The following FBXO41 variants were observed in gnomAD, a reference collection of about 807,000 sequenced individuals.
FBXO41 encodes the protein F-box only protein 41.
In FBXO41, 33 loss-of-function variants were observed where a neutral mutation model predicts 81.6. The observed-to-expected ratio is 0.40, with a 90% CI of 0.31 to 0.54. The LOEUF is 0.54. Among genes scored for constraint, FBXO41 ranks in the 20% least tolerant of loss-of-function variants. The pLI, the probability that FBXO41 is intolerant of heterozygous loss-of-function variation, is 0.39. For missense variants in FBXO41, 1,107 were observed against 1,236.0 expected (o/e 0.90, Z 1.56); for synonymous variants, 576 against 552.7 (o/e 1.04, Z -0.59).
Position 73,265,546 on chromosome 2 carries a change from C to T in FBXO41, c.1300G>A (p.Asp434Asn). ...GTGCCCAAGCCCCCAGGGCCACTGT[C>T]CTCAGGGGCCCCCTCCTCTGGCCTG... ...LPRPEEGAPE[D>N]SGPGGLGTRA... Residue 434 changes from aspartate (D) to asparagine (N), a missense_variant, in exon 5 of 13, where the codon GAC becomes AAC. Transcript: ENST00000520530. 6.3e-7 allele frequency: 1 copy of T among 1,586,144 alleles called. No individual in the cohort carries two copies. Among genetic ancestry groups the T allele is most frequent in the African/African-American group, 1.3e-5 (1 of 74,272 alleles).
At chr2:73,262,233 TAA>T (rs34189596) in intron 9 of FBXO41, among the ~76,000 whole-genome samples, 23 of 143,018 alleles carry the variant, frequency 1.6e-4, no homozygotes, top group African/African-American at 2.5e-4. Context: ...AAAAACTAAA[TAA>T]AAAAAAAAAA....
rs760529928 is a variant in FBXO41, at chr2:73,269,466, CGCGGCGGCGGCG to C, written c.153_164del (p.Ala58_Ala61del). ...ACCCCGAGGCAGCGGCGGCGGCGGC[CGCGGCGGCGGCG>C]GCGCCGTCGCAGATGCTGTTGGTCT... On this transcript the variant is annotated inframe_deletion, in exon 2 of 13. Coordinates refer to ENST00000520530, the MANE Select transcript of FBXO41 (RefSeq NM_001371389.2). This position sits in a 1 kb window ranked among gnomAD's most constrained non-coding sequence, Gnocchi z 7.0. 1.2e-5 allele frequency: 15 copies of C among 1,254,448 alleles called. No homozygotes were observed. Among genetic ancestry groups the C allele is most frequent in the Middle Eastern group, 2.4e-4 (1 of 4,254 alleles). The allele number at this position is 1,254,448 out of a possible 1,614,324, so 77.7% of individuals were successfully genotyped here.
Position 73,266,286 on chromosome 2 carries a change from G to A in FBXO41, c.1131+171C>T, listed in dbSNP as rs1688272344. ...CACTACAGCCTCGGGGGCTGGCACT[G>A]GCACTCCTGCCCAATCAAAGGGGCT... is the stretch of plus-strand genomic sequence containing the variant. On this transcript the variant is annotated intron_variant, in intron 3 of 12. Coordinates refer to ENST00000520530, the MANE Select transcript of FBXO41 (RefSeq NM_001371389.2). The surrounding 1 kb of genome is among the most constrained non-coding windows in gnomAD (Gnocchi z 5.3). Among the ~76,000 whole-genome samples, 1 of 152,180 alleles carries A rather than the reference G, an allele frequency of 6.6e-6. No homozygotes were observed. Among genetic ancestry groups the A allele is most frequent in the South Asian group, 2.1e-4 (1 of 4,836 alleles).
At position 73,259,421 on chromosome 2, in the gene FBXO41, C is replaced by T; in HGVS notation, c.2450-125G>A. On this transcript the variant is annotated intron_variant, in intron 11 of 12. Transcript: ENST00000520530. The surrounding 1 kb of genome is among the most constrained non-coding windows in gnomAD (Gnocchi z 4.2). ...CTACCGGGAACACGACAGAGGAGAG[C>T]AGACTCATGCCACCTGGGGGCTGGC... is the stretch of plus-strand genomic sequence containing the variant. 1.3e-6 allele frequency: 1 copy of T among 781,184 alleles called. No homozygotes were observed. The highest frequency in any genetic ancestry group is 2.1e-6 in the Non-Finnish European group (1 of 471,228). The allele number at this position is 781,184 out of a possible 1,614,324, so 48.4% of individuals were successfully genotyped here.
chr2:73,273,474 T>C (rs1688598758), intron 1 of FBXO41, among the ~76,000 whole-genome samples: 1 of 152,142 alleles, frequency 6.6e-6, no homozygotes, highest in Non-Finnish European at 1.5e-5. Context: ...GCACTTTGAA[T>C]AGATTTGGGT....
At position 73,269,466 on chromosome 2, in the gene FBXO41, C is replaced by CGCG. The variant is rs760529928; in HGVS notation, c.162_164dup (p.Ala61dup). On this transcript the variant is annotated inframe_insertion, in exon 2 of 13. Transcript: ENST00000520530. This position sits in a 1 kb window ranked among gnomAD's most constrained non-coding sequence, Gnocchi z 7.0. ...ACCCCGAGGCAGCGGCGGCGGCGGC[C>CGCG]GCGGCGGCGGCGGCGCCGTCGCAGA... 2.6e-5 allele frequency: 33 copies of CGCG among 1,254,450 alleles called. No individual in the cohort carries two copies. The highest frequency in any genetic ancestry group is 1.6e-4 in the Admixed American group (4 of 24,820). The allele number at this position is 1,254,450 out of a possible 1,614,324, so 77.7% of individuals were successfully genotyped here. A position where few individuals can be genotyped will look rare whatever the true frequency, so the allele number is the denominator to read the frequency against.
intron 5 of FBXO41, among the ~76,000 whole-genome samples, chr2:73,264,813 T>TG (rs576438368): frequency 6.1e-4 from 93 of 151,874 alleles, no homozygotes; most frequent in African/African-American, 2.0e-3. Context: ...TGAAAGGGGT[T>TG]GGGGGGGCGG....
intron 1 of FBXO41, among the ~76,000 whole-genome samples, chr2:73,277,205 A>G (rs1688723374): frequency 6.6e-6 from 1 of 152,236 alleles, no homozygotes; most frequent in Non-Finnish European, 1.5e-5. Flanking sequence ...TCTTCACCCC[A>G]GGCCAGCCCT....
In FBXO41 at chr2:73,269,925, G is replaced by T. The variant is rs886961485; in HGVS notation, c.-138-157C>A. Among the ~76,000 whole-genome samples, 2 of 152,162 alleles carry T rather than the reference G, an allele frequency of 1.3e-5. No individual in the cohort carries two copies. The highest frequency in any genetic ancestry group is 6.5e-5 in the Admixed American group (1 of 15,290). ...TGGCCTGCTCTGGCACCTGTGCGAG[G>T]GCCTGTATGTGTGCAAGAGACAGCG... On this transcript the variant is annotated intron_variant, in intron 1 of 12. Transcript: ENST00000520530. This position sits in a 1 kb window ranked among gnomAD's most constrained non-coding sequence, Gnocchi z 7.0.
rs1289495826 is a variant in FBXO41 at position 73,255,873 on chromosome 2, C to G, written c.*3109G>C. ...GGCTCAGACTCGAGTGTCACAGAAC[C>G]AAGAAAACAGGAGCTGCCTTGATCC... is the stretch of plus-strand genomic sequence containing the variant. On this transcript the variant is annotated 3_prime_UTR_variant, in exon 13 of 13. Coordinates refer to ENST00000520530, the MANE Select transcript of FBXO41 (RefSeq NM_001371389.2). The G allele has an allele frequency of 6.6e-6, 1 of 152,156 alleles. No individual in the cohort carries two copies. Among genetic ancestry groups the G allele is most frequent in the Non-Finnish European group, 1.5e-5 (1 of 68,062 alleles). The allele number at this position is 152,156 out of a possible 1,614,324, so 9.4% of individuals were successfully genotyped here. A position where few individuals can be genotyped will look rare whatever the true frequency, so the allele number is the denominator to read the frequency against.
chr2:73,265,942 C>A lies in FBXO41; in HGVS notation c.1156G>T (p.Val386Leu). 3 of 1,581,994 alleles carry A rather than the reference C, an allele frequency of 1.9e-6. No individual in the cohort carries two copies. The highest frequency in any genetic ancestry group is 1.7e-6 in the Non-Finnish European group (2 of 1,163,574). Residue 386 changes from valine (V) to leucine (L), a missense_variant, in exon 4 of 13, where the codon GTG becomes TTG. By Grantham distance (32) the Val-to-Leu change is conservative. Coordinates refer to ENST00000520530, the MANE Select transcript of FBXO41 (RefSeq NM_001371389.2). ...RMREHHVGPA[V>L]PNTYAVSRHG... ...CGTGACACTGCATATGTGTTAGGCA[C>A]GGCCGGGCCCACGTGGTGTTCTCGC...
chr2:73,269,087 C>G lies in FBXO41; in HGVS notation c.544G>C (p.Gly182Arg). ...PPGPGPGPCP[G>R]PASASPASPS... Reference sequence around the variant, plus strand: ...GACGCGGGCGAAGCGGAGGCAGGCCCGGGGCAAGGGCCGGGGCCGGGGCCA... The same window carrying G: ...GACGCGGGCGAAGCGGAGGCAGGCCGGGGGCAAGGGCCGGGGCCGGGGCCA... Residue 182 changes from glycine (G) to arginine (R), a missense_variant, in exon 2 of 13, where the codon GGG becomes CGG. Coordinates refer to ENST00000520530, the MANE Select transcript of FBXO41 (RefSeq NM_001371389.2). The surrounding 1 kb of genome is among the most constrained non-coding windows in gnomAD (Gnocchi z 7.0). 6 of 1,508,494 alleles carry G rather than the reference C, an allele frequency of 4.0e-6. No individual in the cohort carries two copies. The highest frequency in any genetic ancestry group is 5.3e-6 in the Non-Finnish European group (6 of 1,135,976). The allele number at this position is 1,508,494 out of a possible 1,614,324, so 93.4% of individuals were successfully genotyped here.
chr2:73,258,766 C>T lies in FBXO41; in HGVS notation c.*216G>A. On this transcript the variant is annotated 3_prime_UTR_variant, in exon 13 of 13. Transcript: ENST00000520530. The stretch of plus-strand genomic sequence containing the variant: ...GGGTAGGGTGGGGGTCGGAGGGCAG[C>T]TTCTGTCCAAGCCCCTGTACTGGGG... 1 of 509,086 alleles carries T rather than the reference C, an allele frequency of 2.0e-6. No homozygotes were observed. The highest frequency in any genetic ancestry group is 3.5e-5 in the Admixed American group (1 of 28,914). 31.5% of individuals were successfully genotyped at this position (509,086 alleles called of 1,614,324 possible).
At position 73,255,716 on chromosome 2, in the gene FBXO41, A is replaced by G. The variant is rs1485191094; in HGVS notation, c.*3266T>C. The G allele has an allele frequency of 1.3e-5, 2 of 152,664 alleles. No individual in the cohort carries two copies. Among genetic ancestry groups the G allele is most frequent in the African/African-American group, 2.4e-5 (1 of 41,446 alleles). The allele number at this position is 152,664 out of a possible 1,614,324, so 9.5% of individuals were successfully genotyped here. A position where few individuals can be genotyped will look rare whatever the true frequency, so the allele number is the denominator to read the frequency against. On this transcript the variant is annotated 3_prime_UTR_variant, in exon 13 of 13. Transcript: ENST00000520530. The stretch of plus-strand genomic sequence containing the variant: ...GGGTGACTCCCCACTGGTGGCCCCA[A>G]AGATAAGAGACCAGGAGTGGGGAAA...
chr2:73,267,985 CAG>C (rs1470241117), intron 2 of FBXO41, among the ~76,000 whole-genome samples: 1 of 152,118 alleles, frequency 6.6e-6, no homozygotes, highest in African/African-American at 2.4e-5. Flanking sequence ...CATTGTAAGT[CAG>C]GGGCCATCTG....
intron 5 of FBXO41, among the ~76,000 whole-genome samples, chr2:73,264,862 G>A (rs1417200585): frequency 1.3e-5 from 2 of 152,082 alleles, no homozygotes; most frequent in Non-Finnish European, 2.9e-5. Context: ...GAAACAGAAG[G>A]CAGGCATGGG....
Position 73,268,848 on chromosome 2 carries a change from C to T in FBXO41, c.783G>A (p.Glu261=), listed in dbSNP as rs748858308. 6.3e-5 allele frequency: 99 copies of T among 1,571,840 alleles called. No homozygotes were observed. Among genetic ancestry groups the T allele is most frequent in the Non-Finnish European group, 8.2e-5 (95 of 1,160,270 alleles). ...ARQESARLGR[E]KEELEERASE... ...ACGCGCGCTCCTCCAGCTCCTCCTT[C>T]TCGCGCCCGAGCCTCGCACTCTCCT... is the stretch of plus-strand genomic sequence containing the variant. The change falls in exon 2 of 13, where the codon GAG becomes GAA. Residue 261 remains glutamate, a synonymous_variant. Coordinates refer to ENST00000520530, the MANE Select transcript of FBXO41 (RefSeq NM_001371389.2).
chr2:73,268,867 C>G lies in FBXO41; in HGVS notation c.764G>C (p.Ser255Thr). The G allele has an allele frequency of 3.2e-6, 5 of 1,564,040 alleles. No individual in the cohort carries two copies. Among genetic ancestry groups the G allele is most frequent in the Non-Finnish European group, 4.3e-6 (5 of 1,156,584 alleles). The stretch of plus-strand genomic sequence containing the variant: ...CTCCTTCTCGCGCCCGAGCCTCGCA[C>G]TCTCCTGCCGCGCAGTCTCCAGTTC... ...AAELETARQESARLGREKEEL... is the reference protein window; with the variant it reads ...AAELETARQETARLGREKEEL... The change falls in exon 2 of 13, where the codon AGT (serine) becomes ACT (threonine). Residue 255 changes from serine to threonine, a missense_variant. Physicochemically the swap from Ser to Thr is moderately conservative, Grantham distance 58. Around this residue, in one of 2 missense-constraint regions of FBXO41, gnomAD observed 771 missense variants for 789.2 expected, o/e 0.98. Coordinates refer to ENST00000520530, the MANE Select transcript of FBXO41 (RefSeq NM_001371389.2).
Position 73,269,446 on chromosome 2 carries a change from G to C in FBXO41, c.185C>G (p.Ser62Trp). Residue 62 changes from serine to tryptophan, a missense_variant, in exon 2 of 13, where the codon TCG becomes TGG. Ser to Trp is a radical substitution (Grantham distance 177, BLOSUM62 -3). Transcript: ENST00000520530. The surrounding 1 kb of genome is among the most constrained non-coding windows in gnomAD (Gnocchi z 7.0). ...AAAAAAAAAA[S>W]GFPLAPEPAA... ...GGGCTCGGGAGCCAGCGGGAACCCCGAGGCAGCGGCGGCGGCGGCCGCGGC... is the reference window on the plus strand; with the variant it reads ...GGGCTCGGGAGCCAGCGGGAACCCCCAGGCAGCGGCGGCGGCGGCCGCGGC... The C allele has an allele frequency of 3.1e-6, 4 of 1,310,996 alleles. No homozygotes were observed. The highest frequency in any genetic ancestry group is 2.9e-6 in the Non-Finnish European group (3 of 1,033,942). The allele number at this position is 1,310,996 out of a possible 1,614,324, so 81.2% of individuals were successfully genotyped here. A position where few individuals can be genotyped will look rare whatever the true frequency, so the allele number is the denominator to read the frequency against.
Sources: allele counts gnomAD v4.1 joint callset (sites outside exome capture counted in the v4.1 genomes callset), GRCh38; gene constraint gnomAD v4.1.1; regional missense constraint gnomAD v4.1.1; non-coding constraint Gnocchi (gnomAD v3.1); transcripts MANE v1.5; gene names NCBI Gene and HGNC (gene_info 2026-07-23, HGNC 2026-07-21).